The following BMX variants were observed in gnomAD, a reference collection of about 807,000 sequenced individuals.
BMX encodes cytoplasmic tyrosine-protein kinase BMX.
In BMX, 31 loss-of-function variants were observed where a neutral mutation model predicts 59.2. That is an observed-to-expected ratio of 0.52 (90% CI 0.39 to 0.71). The LOEUF is 0.71. Among genes scored for constraint, BMX ranks in the 30% least tolerant of loss-of-function variants. The probability of loss-of-function intolerance (pLI) is 0.00; values close to 1 mark genes in which losing one functional copy is unlikely to be tolerated. For synonymous variants in BMX, 185 were observed against 181.0 expected (o/e 1.02, Z -0.18); for missense variants, 474 against 491.7 (o/e 0.96, Z 0.34).
chrX:15,504,130 C>T (rs1225137304), intron 1 of BMX, among the ~76,000 whole-genome samples: 1 of 112,129 alleles, frequency 8.9e-6, no homozygotes, highest in Non-Finnish European at 1.9e-5. Flanking sequence ...CCTTACTTGG[C>T]TACCTTAAGG....
At chrX:15,511,600 A>G in intron 4 of BMX, 82 bp downstream of exon 4, 1 of 779,395 alleles carries the variant, frequency 1.3e-6, no homozygotes, top group South Asian at 2.6e-5. Flanking sequence ...TTGGTGGAGG[A>G]AAGACATGGC....
chrX:15,517,306 G>T (rs1172313592), intron 5 of BMX, among the ~76,000 whole-genome samples: 1 of 111,774 alleles, frequency 8.9e-6, no homozygotes, highest in Non-Finnish European at 1.9e-5. Context: ...CCACTGTAAG[G>T]GACTGAGGAG....
chrX:15,523,255 T>C (rs1193734810), intron 7 of BMX, among the ~76,000 whole-genome samples: 1 of 112,137 alleles, frequency 8.9e-6, no homozygotes, highest in Non-Finnish European at 1.9e-5. Context: ...TCCTATCATG[T>C]TGTCTACTCT....
Position 15,508,452 on chromosome X carries a change from G to T in BMX, c.99G>T (p.Leu33Phe). The part of the protein sequence containing the change: ...PNNYKERLFV[L>F]TKTNLSYYEY... ...ATTACAAAGAACGGCTTTTTGTTTT[G>T]ACCAAAACAAACCTTTCCTACTATG... Residue 33 changes from leucine (L) to phenylalanine (F), a missense_variant, in exon 2 of 19, where the codon TTG becomes TTT. Physicochemically the swap from Leu to Phe is conservative, Grantham distance 22. Coordinates refer to ENST00000348343, the MANE Select transcript of BMX (RefSeq NM_203281.3). The T allele has an allele frequency of 8.4e-7, 1 of 1,190,016 alleles. No individual in the cohort carries two copies.
chrX:15,553,854 AGGGGC>A (rs1926307585), intron 18 of BMX, among the ~76,000 whole-genome samples: 8 of 111,541 alleles, frequency 7.2e-5, no homozygotes, highest in Non-Finnish European at 3.8e-5. Flanking sequence ...TAGGATGGAC[AGGGGC>A]CCTGAGTCGG....
Position 15,537,148 on chromosome X carries a change from A to C in BMX, c.1237A>C (p.Lys413Gln), listed in dbSNP as rs1242272921. ...TGCCTTGTTAGGAATCTGGGAACTG[A>C]AAAGAGAAGAGATTACCTTGTTGAA... ...VSLGNGIWEL[K>Q]REEITLLKEL... is the part of the protein sequence containing the mutation. Residue 413 changes from lysine (K) to glutamine (Q), a missense_variant, in exon 14 of 19, where the codon AAA (lysine) becomes CAA (glutamine). Physicochemically the swap from Lys to Gln is moderately conservative, Grantham distance 53. Coordinates refer to ENST00000348343, the MANE Select transcript of BMX (RefSeq NM_203281.3). 8.3e-7 allele frequency: 1 copy of C among 1,209,132 alleles called. No homozygotes were observed. Among genetic ancestry groups the C allele is most frequent in the Admixed American group, 2.2e-5 (1 of 45,654 alleles).
At chrX:15,506,939 G>A (rs1411637970) in intron 1 of BMX, among the ~76,000 whole-genome samples, 1 of 112,842 alleles carries the variant, frequency 8.9e-6, no homozygotes, top group Non-Finnish European at 1.9e-5. Context: ...ATCAAATAAT[G>A]CCCTTGGAGG....
chrX:15,546,526 T>G (rs184973903), intron 16 of BMX, among the ~76,000 whole-genome samples: 1 of 112,272 alleles, frequency 8.9e-6, no homozygotes, highest in East Asian at 2.8e-4. Flanking sequence ...TTACAGGTTA[T>G]CTTTAGGGTG....
intron 17 of BMX, 71 bp from the exon 18 acceptor site, chrX:15,549,769 C>T (rs753980357): frequency 8.0e-6 from 9 of 1,127,558 alleles, no homozygotes; most frequent in Non-Finnish European, 9.5e-6. Context: ...GAAACTCACT[C>T]CACAAACCCT....
intron 10 of BMX, 64 bp from the exon 11 acceptor site, chrX:15,531,264 C>T (rs759084423): frequency 1.0e-6 from 1 of 985,598 alleles, no homozygotes; most frequent in Admixed American, 2.3e-5. Flanking sequence ...ACCTACCATG[C>T]AAAATCATTT....
chrX:15,505,966 A>G (rs1174257594), intron 1 of BMX, among the ~76,000 whole-genome samples: 2 of 110,810 alleles, frequency 1.8e-5, no homozygotes, highest in African/African-American at 3.3e-5. Flanking sequence ...GTCTCACTCT[A>G]TCGCCCAGGC....
At position 15,538,329 on chromosome X, in the gene BMX, C is replaced by T. The variant is rs186017104; in HGVS notation, c.1394+1024C>T. Among the ~76,000 whole-genome samples the T allele has an allele frequency of 4.2e-4, 47 of 111,012 alleles. 1 individual carries two copies. Among genetic ancestry groups the T allele is most frequent in the Admixed American group, 4.0e-3 (42 of 10,446 alleles). ...TTTGCTGAGGTCTGGGAGGTTTTAG[C>T]ACTGAAAGTCCTGTGTCCTAGGAAA... On this transcript the variant is annotated intron_variant, in intron 14 of 18. Coordinates refer to ENST00000348343, the MANE Select transcript of BMX (RefSeq NM_203281.3).
At chrX:15,527,796 G>A (rs1924867853) in intron 9 of BMX, among the ~76,000 whole-genome samples, 4 of 111,660 alleles carry the variant, frequency 3.6e-5, no homozygotes, top group Non-Finnish European at 1.9e-5. Flanking sequence ...TTTGTGGCAT[G>A]GTCTCTTTAT....
At chrX:15,507,800 G>T (rs1402818392) in intron 1 of BMX, among the ~76,000 whole-genome samples, 1 of 111,092 alleles carries the variant, frequency 9.0e-6, no homozygotes, top group East Asian at 2.8e-4. Context: ...CATTTACTTT[G>T]ATTTTAAATT....
chrX:15,509,207 T>C (rs1923850490), intron 2 of BMX, 122 bp from the exon 3 acceptor site: 1 of 223,271 alleles, frequency 4.5e-6, no homozygotes, highest in Non-Finnish European at 8.8e-6. Flanking sequence ...TAATAGGAAG[T>C]GACTCTCCAT....
At chrX:15,525,119 G>T (rs1166208433) in intron 7 of BMX, among the ~76,000 whole-genome samples, 169 bp from the exon 8 acceptor site, 1 of 112,170 alleles carries the variant, frequency 8.9e-6, no homozygotes, top group Non-Finnish European at 1.9e-5. Flanking sequence ...ATGCCTGAAA[G>T]AACCAAAATG....
intron 6 of BMX, among the ~76,000 whole-genome samples, chrX:15,520,910 A>G (rs1003716426): frequency 4.5e-5 from 5 of 111,540 alleles, no homozygotes; most frequent in African/African-American, 1.6e-4. Context: ...ACTGTCCTGC[A>G]TAATTAAAAT....
chrX:15,534,046 TACACCAGATTTCAAGACTGAGAAAA>T (rs767624550), intron 11 of BMX, among the ~76,000 whole-genome samples, 141 bp from the exon 12 acceptor site: 1 of 111,487 alleles, frequency 9.0e-6, no homozygotes, highest in African/African-American at 3.3e-5. Flanking sequence ...CTTTTATAGT[TACACCAGATTTCAAGACTGAGAAAA>T]ACACCAGATG....
chrX:15,512,676 A>G (rs1031489432), intron 4 of BMX, among the ~76,000 whole-genome samples: 1 of 112,072 alleles, frequency 8.9e-6, no homozygotes, highest in Non-Finnish European at 1.9e-5. Context: ...GTTTAAGTTA[A>G]TCCTGACCTG....
Sources: allele counts gnomAD v4.1 joint callset (sites outside exome capture counted in the v4.1 genomes callset), GRCh38; gene constraint gnomAD v4.1.1; transcripts MANE v1.5; gene names NCBI Gene and HGNC (gene_info 2026-07-23, HGNC 2026-07-21).